The following NOL4 variants were observed in gnomAD, a reference collection of about 807,000 sequenced individuals.
NOL4 encodes the protein nucleolar protein 4, also known as cancer/testis antigen 125.
In NOL4, 17 loss-of-function variants were observed where a neutral mutation model predicts 75.9. The ratio of observed to expected loss-of-function variants is 0.22; its 90% confidence interval spans 0.15 to 0.34. The LOEUF (loss-of-function observed/expected upper bound fraction) is 0.34. NOL4 is among the 10% of genes least tolerant of loss of function. The pLI is 1.00. For missense variants in NOL4, 614 were observed against 793.5 expected (o/e 0.77, Z 2.72); for synonymous variants, 292 against 289.9 (o/e 1.01, Z -0.07).
intron 1 of NOL4, among the ~76,000 whole-genome samples, chr18:34,150,887 C>G (rs1291063521): frequency 1.3e-5 from 2 of 151,624 alleles, no homozygotes; most frequent in African/African-American, 4.8e-5. Flanking sequence ...ACAAATAACT[C>G]ATAAAATTCA....
chr18:34,075,412 A>G (rs2077701236), intron 5 of NOL4, among the ~76,000 whole-genome samples: 1 of 152,148 alleles, frequency 6.6e-6, no homozygotes, highest in South Asian at 2.1e-4. Flanking sequence ...AATAGAGCCA[A>G]GGGTCTTTTT....
chr18:33,918,040 C>T (rs182315998), intron 9 of NOL4, among the ~76,000 whole-genome samples: 13 of 152,290 alleles, frequency 8.5e-5, no homozygotes, highest in Admixed American at 6.5e-4. Flanking sequence ...ACTCTGGCCT[C>T]ATTTTAAAAT....
intron 5 of NOL4, among the ~76,000 whole-genome samples, chr18:34,084,527 G>T (rs1052828165): frequency 1.3e-5 from 2 of 152,108 alleles, no homozygotes; most frequent in African/African-American, 4.8e-5. Context: ...AATTTAAAAA[G>T]TATTTATATT....
intron 5 of NOL4, among the ~76,000 whole-genome samples, chr18:34,031,198 G>A (rs1012906931): frequency 6.6e-6 from 1 of 152,176 alleles, no homozygotes; most frequent in Non-Finnish European, 1.5e-5. Flanking sequence ...TGAGAGAACA[G>A]GCTATGTCCG....
At chr18:34,073,781 AT>A (rs1384007206) in intron 5 of NOL4, among the ~76,000 whole-genome samples, 1 of 152,084 alleles carries the variant, frequency 6.6e-6, no homozygotes, top group Non-Finnish European at 1.5e-5. Flanking sequence ...ATGCAATCAA[AT>A]AAAAAACTAG....
At chr18:33,884,065 T>C (rs1446381140) in intron 9 of NOL4, among the ~76,000 whole-genome samples, 3 of 152,118 alleles carry the variant, frequency 2.0e-5, no homozygotes, top group African/African-American at 4.8e-5. Flanking sequence ...GACAATATTG[T>C]ACTGCACACT....
chr18:34,120,510 G>A lies in NOL4; in HGVS notation c.414+9361C>T, dbSNP rs192642805. Among the ~76,000 whole-genome samples the A allele has an allele frequency of 2.8e-3, 433 of 152,272 alleles. 1 individual carries two copies. Among genetic ancestry groups the A allele is most frequent in the Admixed American group, 7.7e-3 (117 of 15,288 alleles). On this transcript the variant is annotated intron_variant, in intron 2 of 10. Transcript: ENST00000261592. ...CACTCTGTCCATCCAAAGTTATTTT[G>A]TGGTGCTGAGAATTTGATGAGTATG...
At chr18:34,198,843 C>T (rs1454645030) in intron 1 of NOL4, among the ~76,000 whole-genome samples, 4 of 151,734 alleles carry the variant, frequency 2.6e-5, no homozygotes, top group Non-Finnish European at 3.0e-5. Flanking sequence ...TTATATATGA[C>T]AAAATTCATA....
At chr18:33,962,194 A>T (rs1459439997) in intron 6 of NOL4, among the ~76,000 whole-genome samples, 1 of 152,108 alleles carries the variant, frequency 6.6e-6, no homozygotes, top group Non-Finnish European at 1.5e-5. Context: ...TAAGCCCTGG[A>T]CCCTTAAGTT....
chr18:33,939,215 C>T (rs1420014965), intron 9 of NOL4, among the ~76,000 whole-genome samples: 5 of 152,058 alleles, frequency 3.3e-5, no homozygotes, highest in Admixed American at 2.0e-4. Context: ...TAGTGTGATG[C>T]CTCTAGCTTT....
chr18:33,920,412 C>T (rs1307817070), intron 9 of NOL4, among the ~76,000 whole-genome samples: 2 of 152,162 alleles, frequency 1.3e-5, no homozygotes, highest in African/African-American at 2.4e-5. Flanking sequence ...AAATTATGTG[C>T]CTTCAATATT....
At position 34,129,574 on chromosome 18, in the gene NOL4, T is replaced by C. The variant is rs2080540555; in HGVS notation, c.414+297A>G. 2.0e-5 allele frequency among the ~76,000 whole-genome samples: 3 copies of C among 151,420 alleles called. No individual in the cohort carries two copies. The Admixed American group carries it at 2.0e-4, about 10-fold the overall frequency. On this transcript the variant is annotated intron_variant, in intron 2 of 10. Transcript: ENST00000261592. ...ATGCTATGACTCATTGAATATATAA[T>C]ATTCATAATATAATATATAATATAT... is the stretch of plus-strand genomic sequence containing the variant.
chr18:33,858,200 A>G (rs2062923769), intron 10 of NOL4, among the ~76,000 whole-genome samples: 1 of 152,102 alleles, frequency 6.6e-6, no homozygotes, highest in Admixed American at 6.6e-5. Flanking sequence ...TTCTGGACAC[A>G]ATTATTTAGC....
intron 9 of NOL4, 106 bp downstream of exon 9, chr18:33,942,959 T>C (rs2068594624): frequency 4.1e-6 from 3 of 732,246 alleles, no homozygotes; most frequent in Admixed American, 4.6e-5. Flanking sequence ...TATATCTCTG[T>C]GTACTTTAAA....
At chr18:33,866,054 G>A (rs1286671376) in intron 10 of NOL4, among the ~76,000 whole-genome samples, 2 of 152,112 alleles carry the variant, frequency 1.3e-5, no homozygotes, top group African/African-American at 2.4e-5. Flanking sequence ...CTTATAGACT[G>A]TACTCCCCCA....
At chr18:34,222,052 G>A (rs2037350444) in intron 1 of NOL4, 1 of 1,535,482 alleles carries the variant, frequency 6.5e-7, no homozygotes, top group Non-Finnish European at 8.7e-7. Flanking sequence ...TCCTGCATCA[G>A]ATCTGCCATC....
chr18:34,138,887 G>C (rs1191772564), intron 1 of NOL4, among the ~76,000 whole-genome samples: 15 of 152,148 alleles, frequency 9.9e-5, no homozygotes, highest in Non-Finnish European at 1.9e-4. Context: ...TTAGCATGAA[G>C]GGCTGTTGAA....
chr18:33,971,102 TGAAA>T (rs2071020442), intron 6 of NOL4, among the ~76,000 whole-genome samples: 1 of 152,232 alleles, frequency 6.6e-6, no homozygotes, highest in African/African-American at 2.4e-5. Flanking sequence ...TGGAAGAACG[TGAAA>T]GAATGTTTTT....
chr18:33,900,948 A>G (rs1189430240), intron 9 of NOL4, among the ~76,000 whole-genome samples: 6 of 152,148 alleles, frequency 3.9e-5, no homozygotes, highest in Admixed American at 3.9e-4. Flanking sequence ...ATTATTTGTT[A>G]TGTCTAGCAT....
Sources: gnomAD v4.1 joint callset for allele counts (sites outside exome capture counted in the v4.1 genomes callset) on GRCh38, gnomAD v4.1.1 for gene constraint, MANE v1.5 for transcripts, NCBI Gene and HGNC (gene_info 2026-07-23, HGNC 2026-07-21) for gene names.